GSK3A: variants seen among roughly 807,000 people sequenced by gnomAD.
GSK3A encodes the protein glycogen synthase kinase-3 alpha.
Under a neutral mutation model 56.6 loss-of-function variants are expected in GSK3A, and 14 were observed. The ratio of observed to expected loss-of-function variants is 0.25; its 90% confidence interval spans 0.16 to 0.39. The LOEUF is 0.39. GSK3A is among the 10% of genes least tolerant of loss of function. The pLI is 1.00. For missense variants in GSK3A, 450 were observed against 656.0 expected (o/e 0.69, Z 3.43); for synonymous variants, 301 against 285.0 (o/e 1.06, Z -0.56).
At position 42,233,215 on chromosome 19, in the gene GSK3A, G is replaced by A. The variant is rs774561261; in HGVS notation, c.1003-10C>T. The stretch of plus-strand genomic sequence containing the variant: ...TTGGTGTTCCCAGCACCTGTAAAGA[G>A]AGGGAGGGGTCTGAGACAAGGGCCC... On this transcript the variant is annotated splice_polypyrimidine_tract_variant and intron_variant, in intron 7 of 10. Coordinates refer to ENST00000222330, the MANE Select transcript of GSK3A (RefSeq NM_019884.3). The A allele has an allele frequency of 2.5e-6, 4 of 1,602,430 alleles. No individual in the cohort carries two copies. Among genetic ancestry groups the A allele is most frequent in the South Asian group, 1.1e-5 (1 of 89,724 alleles).
Position 42,236,627 on chromosome 19 carries a change from G to A in GSK3A, c.645C>T (p.Thr215=). ...CTACCTTGACATAGAGGATAGGGAT[G>A]GTCAACTTGGCCTTGGTGAAGTGGC... The part of the protein sequence containing the change: ...VARHFTKAKL[T]IPILYVKVYM... Residue 215 remains threonine, a synonymous_variant, in exon 4 of 11, where the codon ACC becomes ACT. Transcript: ENST00000222330. 1 of 1,611,472 alleles carries A rather than the reference G, an allele frequency of 6.2e-7. No homozygotes were observed. Among genetic ancestry groups the A allele is most frequent in the Non-Finnish European group, 8.5e-7 (1 of 1,177,534 alleles).
At chr19:42,241,994 G>A in intron 1 of GSK3A, 189 bp downstream of exon 1, 1 of 431,304 alleles carries the variant, frequency 2.3e-6, no homozygotes. Context: ...TGATCCACGA[G>A]TAATTCTGAT....
rs763845338 is a variant in GSK3A at position 42,232,639 on chromosome 19, G to C, written c.1142C>G (p.Ser381Cys). 1 of 1,609,032 alleles carries C rather than the reference G, an allele frequency of 6.2e-7. No homozygotes were observed. Among genetic ancestry groups the C allele is most frequent in the African/African-American group, 1.3e-5 (1 of 74,852 alleles). ...GGATGGGGTGTACTCCAGCAGGCTA[G>C]AGCAGAGCGCGATGGCCTCTGGCGG... ...RTPPEAIALC[S>C]SLLEYTPSSR... The change falls in exon 9 of 11, where the codon TCT becomes TGT. Residue 381 changes from serine (S) to cysteine (C), a missense_variant. This residue lies in a region of GSK3A where 113 missense variants were observed against 147.5 expected (regional missense o/e 0.77). Transcript: ENST00000222330.
chr19:42,240,282 G>T (rs2036283598), intron 1 of GSK3A, 140 bp from the exon 2 acceptor site: 2 of 736,716 alleles, frequency 2.7e-6, no homozygotes, highest in Non-Finnish European at 4.8e-6. Context: ...TTGAGGAAAG[G>T]TGGATGCTGG....
rs1286954422 is a variant in GSK3A at position 42,242,275 on chromosome 19, C to A, written c.191G>T (p.Ser64Ile). The A allele has an allele frequency of 4.2e-6, 6 of 1,440,204 alleles. No individual in the cohort carries two copies. The highest frequency in any genetic ancestry group is 5.4e-6 in the Non-Finnish European group (6 of 1,102,896). 89.2% of individuals were successfully genotyped at this position (1,440,204 alleles called of 1,614,324 possible). ...GAMGGGVGAS[S>I]SGGGPGGSGG... ...GCTGCCGCCGGGTCCACCCCCGGAG[C>A]TCGAGGCCCCGACGCCCCCACCCAT... is the stretch of plus-strand genomic sequence containing the variant. The change falls in exon 1 of 11, where the codon AGC becomes ATC. Residue 64 changes from serine to isoleucine, a missense_variant. Ser to Ile is a moderately radical substitution (Grantham distance 142, BLOSUM62 -2). Transcript: ENST00000222330.
At chr19:42,231,232 A>G (rs1401639235) in intron 10 of GSK3A, among the ~76,000 whole-genome samples, 1 of 152,048 alleles carries the variant, frequency 6.6e-6, no homozygotes, top group Non-Finnish European at 1.5e-5. Flanking sequence ...TGGTGGTATG[A>G]GCGTGTAATC....
intron 8 of GSK3A, 195 bp from the exon 9 acceptor site, chr19:42,232,877 G>A: frequency 1.7e-6 from 1 of 585,632 alleles, no homozygotes; most frequent in South Asian, 2.3e-5. Context: ...GCCCAGGTCT[G>A]GGACTATATG....
rs755266233 is a variant in GSK3A at position 42,230,831 on chromosome 19, G to A, written c.1415C>T (p.Ser472Leu). 5.1e-6 allele frequency: 8 copies of A among 1,563,106 alleles called. No homozygotes were observed. The highest frequency in any genetic ancestry group is 1.4e-5 in the African/African-American group (1 of 73,598). Reference protein sequence around the residue: ...TETPTSSDWQSTDATPTLTNS... With the variant: ...TETPTSSDWQLTDATPTLTNS... ...AGTGAGGGTAGGTGTGGCATCGGTC[G>A]ACTGCCAGTCTGAGCTGGTCGGAGT... The change falls in exon 11 of 11, where the codon TCG becomes TTG. Residue 472 changes from serine (S) to leucine (L), a missense_variant. This residue lies in a region of GSK3A where 113 missense variants were observed against 147.5 expected (regional missense o/e 0.77). Coordinates refer to ENST00000222330, the MANE Select transcript of GSK3A (RefSeq NM_019884.3).
At chr19:42,233,245 C>T (rs1323828356) in intron 7 of GSK3A, 40 bp from the exon 8 acceptor site, 3 of 1,586,918 alleles carry the variant, frequency 1.9e-6, no homozygotes, top group South Asian at 1.1e-5. Flanking sequence ...GGGCCCCATC[C>T]CTCAGCCCCA....
At chr19:42,237,162 A>AT (rs34452258) in intron 2 of GSK3A, among the ~76,000 whole-genome samples, 63,501 of 140,012 alleles carry the variant, frequency 0.45, 17,086 homozygotes, top group East Asian at 0.65. Flanking sequence ...TCTTCACCCC[A>AT]TTTTTTTTTT....
Position 42,230,411 on chromosome 19 carries a change from A to G in GSK3A, c.*383T>C. The stretch of plus-strand genomic sequence containing the variant: ...CGTTTTCTTTAAGAAAAAAATTATA[A>G]CAATCTATTTACACCCGGGGGCCAG... On this transcript the variant is annotated 3_prime_UTR_variant, in exon 11 of 11. Transcript: ENST00000222330. 1 of 219,412 alleles carries G rather than the reference A, an allele frequency of 4.6e-6. No homozygotes were observed. The highest frequency in any genetic ancestry group is 9.1e-6 in the Non-Finnish European group (1 of 109,556). 13.6% of individuals were successfully genotyped at this position (219,412 alleles called of 1,614,324 possible).
At chr19:42,237,855 G>A (rs1288327381) in intron 2 of GSK3A, among the ~76,000 whole-genome samples, 3 of 151,122 alleles carry the variant, frequency 2.0e-5, no homozygotes, top group East Asian at 2.0e-4. Flanking sequence ...CTCCAGCCTG[G>A]GCGACAGACT....
intron 1 of GSK3A, chr19:42,240,549 G>T: frequency 3.0e-6 from 1 of 332,940 alleles, no homozygotes; most frequent in Non-Finnish European, 5.5e-6. Flanking sequence ...TCCACTTCAG[G>T]GAGCAGTAAC....
At chr19:42,237,008 C>T (rs1224392952) in intron 2 of GSK3A, 67 bp from the exon 3 acceptor site, 5 of 1,073,650 alleles carry the variant, frequency 4.7e-6, no homozygotes, top group Non-Finnish European at 7.3e-6. Context: ...TACTCACACT[C>T]ACTCCCAACA....
At chr19:42,239,684 G>GTA (rs1392228446) in intron 2 of GSK3A, among the ~76,000 whole-genome samples, 2 of 151,996 alleles carry the variant, frequency 1.3e-5, no homozygotes, top group African/African-American at 4.8e-5. Context: ...ACTTAGAATG[G>GTA]GTATAACCAC....
chr19:42,232,121 G>A lies in GSK3A; in HGVS notation c.1314C>T (p.Ala438=), dbSNP rs1262028796. 1 of 1,607,848 alleles carries A rather than the reference G, an allele frequency of 6.2e-7. No individual in the cohort carries two copies. The highest frequency in any genetic ancestry group is 1.1e-5 in the South Asian group (1 of 90,780). ...ACCTCAAGTGAGGAGGGATGAGAAT[G>A]GCGTTGAGAGACGGTTGGATGGAGA... is the stretch of plus-strand genomic sequence containing the variant. ...GELSIQPSLN[A]ILIPPHLRSP... is the part of the protein sequence containing the mutation. The change falls in exon 10 of 11, where the codon GCC becomes GCT. Residue 438 remains alanine (A), a synonymous_variant. Transcript: ENST00000222330.
At chr19:42,233,250 G>T in intron 7 of GSK3A, 36 bp downstream of exon 7, 1 of 1,564,998 alleles carries the variant, frequency 6.4e-7, no homozygotes, top group Non-Finnish European at 8.8e-7. Flanking sequence ...CCATCCCTCA[G>T]CCCCACCCCC....
At chr19:42,236,766 G>T in intron 3 of GSK3A, 50 bp from the exon 4 acceptor site, 1 of 1,515,906 alleles carries the variant, frequency 6.6e-7, no homozygotes, top group Non-Finnish European at 9.2e-7. Flanking sequence ...GAGTGAGGAG[G>T]GGGAAGGAAG....
intron 10 of GSK3A, 47 bp from the exon 11 acceptor site, chr19:42,230,914 CA>C (rs2036219824): frequency 7.9e-7 from 1 of 1,271,296 alleles, no homozygotes; most frequent in Non-Finnish European, 1.1e-6. Flanking sequence ...GCCTTTCAGA[CA>C]CCCCTTCGCC....
Sources: allele counts gnomAD v4.1 joint callset (sites outside exome capture counted in the v4.1 genomes callset), GRCh38; gene constraint gnomAD v4.1.1; regional missense constraint gnomAD v4.1.1; transcripts MANE v1.5; gene names NCBI Gene and HGNC (gene_info 2026-07-23, HGNC 2026-07-21).